GAN: variants seen among roughly 807,000 people sequenced by gnomAD.
GAN encodes the protein gigaxonin, also known as epididymis secretory sperm binding protein.
In GAN, 48 loss-of-function variants were observed where a neutral mutation model predicts 71.3. The observed-to-expected ratio is 0.67, with a 90% CI of 0.53 to 0.86. The LOEUF is 0.86. Ranked by LOEUF, GAN falls within the 40% of genes least tolerant of loss-of-function variation. GAN has a pLI of 0.00. For synonymous variants in GAN, 386 were observed against 276.8 expected, an observed-to-expected ratio of 1.39 and a Z score of -3.92; for missense variants, 928 against 770.1, an observed-to-expected ratio of 1.21 and a Z score of -2.43.
chr16:81,346,934 A>C (rs184381517), intron 1 of GAN, among the ~76,000 whole-genome samples: 15 of 152,332 alleles, frequency 9.8e-5, no homozygotes, highest in Admixed American at 9.8e-4. Context: ...ATGATTTAAA[A>C]GGATCAGATC....
rs56023541 is a variant in GAN at position 81,383,242 on chromosome 16, CTTTTTTTTTTTTTTTTTTTT to C, written c.*5655_*5674del. 1.1e-5 allele frequency: 1 copy of C among 93,622 alleles called. No homozygotes were observed. The highest frequency in any genetic ancestry group is 1.2e-4 in the Admixed American group (1 of 8,194). 5.8% of individuals were successfully genotyped at this position (93,622 alleles called of 1,614,324 possible). On this transcript the variant is annotated 3_prime_UTR_variant, in exon 11 of 11. Transcript: ENST00000648994. ...TAGTCAGAAATGACTGTTGCCCTCT[CTTTTTTTTTTTTTTTTTTTT>C]TTTTTTTTGAGACGGAGTCTCGCTC...
intron 7 of GAN, 78 bp from the exon 8 acceptor site, chr16:81,364,896 C>T (rs1910797642): frequency 2.9e-6 from 4 of 1,385,330 alleles, no homozygotes; most frequent in East Asian, 2.3e-5. Context: ...TTAAGTATGG[C>T]CCAGACAGTT....
chr16:81,370,298 A>T (rs557845889), intron 9 of GAN, among the ~76,000 whole-genome samples: 1 of 152,308 alleles, frequency 6.6e-6, no homozygotes, highest in African/African-American at 2.4e-5. Flanking sequence ...CCTTTGTAAG[A>T]CGTGTGAACT....
At chr16:81,370,341 C>A (rs531850331) in intron 9 of GAN, among the ~76,000 whole-genome samples, 1 of 152,222 alleles carries the variant, frequency 6.6e-6, no homozygotes, top group Non-Finnish European at 1.5e-5. Flanking sequence ...CCCCCAACCA[C>A]ATCTGTTTCA....
intron 1 of GAN, among the ~76,000 whole-genome samples, chr16:81,334,290 C>G (rs946236951): frequency 6.6e-6 from 1 of 152,194 alleles, no homozygotes; most frequent in Non-Finnish European, 1.5e-5. Flanking sequence ...AAGGATAGGA[C>G]TGTGGCTGTG....
chr16:81,358,036 C>T (rs932101051), intron 5 of GAN, 105 bp downstream of exon 5: 1 of 977,068 alleles, frequency 1.0e-6, no homozygotes, highest in South Asian at 1.3e-5. Flanking sequence ...ATTTTATTAT[C>T]TCTACATGAC....
intron 1 of GAN, among the ~76,000 whole-genome samples, chr16:81,320,443 C>T (rs1909188462): frequency 6.6e-6 from 1 of 152,234 alleles, no homozygotes; most frequent in Non-Finnish European, 1.5e-5. Flanking sequence ...ACTCCCGAGG[C>T]AGCAGTATCC....
chr16:81,362,421 C>A, intron 5 of GAN, 78 bp from the exon 6 acceptor site: 1 of 785,904 alleles, frequency 1.3e-6, no homozygotes, highest in South Asian at 1.4e-5. Flanking sequence ...TCTTCAGATG[C>A]TGTTTCTATA....
intron 2 of GAN, among the ~76,000 whole-genome samples, 174 bp from the exon 3 acceptor site, chr16:81,354,230 TC>T (rs1910406750): frequency 7.7e-6 from 1 of 129,644 alleles, no homozygotes; most frequent in Admixed American, 7.8e-5. Flanking sequence ...GTTGGTGCCT[TC>T]CAACTCTTGG....
At chr16:81,315,327 C>G (rs1450957351) in intron 1 of GAN, 47 bp downstream of exon 1, 1 of 1,330,932 alleles carries the variant, frequency 7.5e-7, no homozygotes, top group Admixed American at 3.9e-5. Flanking sequence ...CTGCCCGGAG[C>G]CGGAGGCGGG....
Position 81,379,691 on chromosome 16 carries a change from G to T in GAN, c.*2095G>T, listed in dbSNP as rs987766996. 6.6e-6 allele frequency: 1 copy of T among 152,198 alleles called. No individual in the cohort carries two copies. The highest frequency in any genetic ancestry group is 2.4e-5 in the African/African-American group (1 of 41,460). 9.4% of individuals were successfully genotyped at this position (152,198 alleles called of 1,614,324 possible). On this transcript the variant is annotated 3_prime_UTR_variant, in exon 11 of 11. Coordinates refer to ENST00000648994, the MANE Select transcript of GAN (RefSeq NM_022041.4). ...ATGTCCTGTACAGAACAGTACCTTG[G>T]CATTCAGCAGCTGTAATTGGGGAAC...
rs147263434 is a variant in GAN at position 81,360,153 on chromosome 16, C to G, written c.973+2222C>G. ...AGATAGTGTTCATTTAGATTTGCCA[C>G]TTTCTTCGTTCTTCCTTCTTAACTC... On this transcript the variant is annotated intron_variant, in intron 5 of 10. Transcript: ENST00000648994. 2.1e-3 allele frequency among the ~76,000 whole-genome samples: 314 copies of G among 152,258 alleles called. 1 individual carries two copies. Among genetic ancestry groups the G allele is most frequent in the African/African-American group, 6.9e-3 (286 of 41,552 alleles).
chr16:81,377,418 C>G lies in GAN; in HGVS notation c.1616C>G (p.Thr539Ser), dbSNP rs1289026846. 6.2e-7 allele frequency: 1 copy of G among 1,613,688 alleles called. No homozygotes were observed. ...CTTGCTTATTTCTGTGGCTTAGGTA[C>G]CAATTACGACTACGTGCGTGAGTTT... ...IYVIGDLDTG[T>S]NYDYVREFKR... The change falls in exon 11 of 11, where the codon ACC (threonine) becomes AGC (serine). Residue 539 changes from threonine to serine, a missense_variant. By Grantham distance (58) the Thr-to-Ser change is moderately conservative. Coordinates refer to ENST00000648994, the MANE Select transcript of GAN (RefSeq NM_022041.4).
In GAN at chr16:81,388,529, A is replaced by G; in HGVS notation, c.*10933A>G. The G allele has an allele frequency of 6.5e-6, 1 of 153,180 alleles. No individual in the cohort carries two copies. The highest frequency in any genetic ancestry group is 1.5e-5 in the Non-Finnish European group (1 of 68,752). 9.5% of individuals were successfully genotyped at this position (153,180 alleles called of 1,614,324 possible). On this transcript the variant is annotated 3_prime_UTR_variant, in exon 11 of 11. Transcript: ENST00000648994. ...CCTGTAGGCTAGAATGACACCTTCCAGGCCAGCCCCAGAGGCCCTCAGGGC... is the reference window on the plus strand; with the variant it reads ...CCTGTAGGCTAGAATGACACCTTCCGGGCCAGCCCCAGAGGCCCTCAGGGC...
chr16:81,365,891 A>T (rs1188238959), intron 9 of GAN, among the ~76,000 whole-genome samples: 1 of 152,128 alleles, frequency 6.6e-6, no homozygotes, highest in Admixed American at 6.5e-5. Flanking sequence ...CTCCAAAGAA[A>T]AATAAATAAA....
chr16:81,367,056 T>A (rs6564874), intron 9 of GAN, among the ~76,000 whole-genome samples: 10 of 151,926 alleles, frequency 6.6e-5, no homozygotes, highest in East Asian at 1.9e-4. Context: ...AACTCCTGAC[T>A]TAATGATCCG....
intron 9 of GAN, 133 bp from the exon 10 acceptor site, chr16:81,377,086 G>A (rs1904283951): frequency 1.3e-6 from 1 of 767,680 alleles, no homozygotes; most frequent in Non-Finnish European, 2.4e-6. Flanking sequence ...TTACCTGGCA[G>A]TGGAACGTGG....
Position 81,365,409 on chromosome 16 carries a change from G to A in GAN, c.1433G>A (p.Ser478Asn), listed in dbSNP as rs1210037703. 1.2e-6 allele frequency: 2 copies of A among 1,613,748 alleles called. No individual in the cohort carries two copies. Among genetic ancestry groups the A allele is most frequent in the Non-Finnish European group, 1.7e-6 (2 of 1,179,918 alleles). The change falls in exon 9 of 11, where the codon AGT becomes AAT. Residue 478 changes from serine (S) to asparagine (N), a missense_variant. Coordinates refer to ENST00000648994, the MANE Select transcript of GAN (RefSeq NM_022041.4). ...CTGTATGTGTTTGGGGGAGTCCGAA[G>A]TCGTGAGGACGCCCAGGGTAGCGAG... ...MELYVFGGVR[S>N]REDAQGSEMV...
chr16:81,324,384 A>G (rs962756696), intron 1 of GAN, among the ~76,000 whole-genome samples: 4 of 152,222 alleles, frequency 2.6e-5, no homozygotes, highest in Admixed American at 2.0e-4. Context: ...GGGTGACGGG[A>G]TCCCTGCTCC....
Sources: allele counts gnomAD v4.1 joint callset (sites outside exome capture counted in the v4.1 genomes callset), GRCh38; gene constraint gnomAD v4.1.1; transcripts MANE v1.5; gene names NCBI Gene and HGNC (gene_info 2026-07-23, HGNC 2026-07-21).